Variants in DLGAP2 observed in about 807,000 individuals in gnomAD.
DLGAP2 encodes DLG associated protein 2, also known as disks large-associated protein 2.
Under a neutral mutation model 100.3 loss-of-function variants are expected in DLGAP2, and 26 were observed. The observed-to-expected ratio is 0.26, with a 90% CI of 0.19 to 0.36. DLGAP2 has a LOEUF of 0.36. Ranked by LOEUF, DLGAP2 falls within the 10% of genes least tolerant of loss-of-function variation. DLGAP2 has a pLI of 1.00. For missense variants in DLGAP2, 1,858 were observed against 1,453.2 expected (o/e 1.28, Z -4.53); for synonymous variants, 886 against 630.1 (o/e 1.41, Z -6.08).
chr8:902,529 C>T (rs1321144264), intron 1 of DLGAP2, among the ~76,000 whole-genome samples: 1 of 139,614 alleles, frequency 7.2e-6, no homozygotes, highest in African/African-American at 2.7e-5. Flanking sequence ...TGAGATACAG[C>T]CCCGGCGGCC....
chr8:1,480,689 A>C (rs1799065539), intron 3 of DLGAP2, among the ~76,000 whole-genome samples: 2 of 149,978 alleles, frequency 1.3e-5, no homozygotes, highest in Admixed American at 6.7e-5. Flanking sequence ...ATCTCTACTA[A>C]TAATAATAAA....
chr8:1,074,221 G>T (rs1803529844), intron 2 of DLGAP2, among the ~76,000 whole-genome samples: 1 of 148,652 alleles, frequency 6.7e-6, no homozygotes, highest in African/African-American at 2.6e-5. Context: ...ACTCACCCAG[G>T]TACATATTCA....
chr8:988,753 C>T (rs938652681), intron 2 of DLGAP2, among the ~76,000 whole-genome samples: 1 of 152,302 alleles, frequency 6.6e-6, no homozygotes, highest in Non-Finnish European at 1.5e-5. Flanking sequence ...TCCACCCTCC[C>T]TAGACCCAGG....
rs1194672109 is a variant in DLGAP2, at chr8:1,626,833, C to T, written c.1536C>T (p.Asn512=). 1 of 1,607,436 alleles carries T rather than the reference C, an allele frequency of 6.2e-7. No homozygotes were observed. The highest frequency in any genetic ancestry group is 2.2e-5 in the East Asian group (1 of 44,590). The change falls in exon 7 of 15, where the codon AAC becomes AAT. Residue 512 remains asparagine (N), a synonymous_variant. Transcript: ENST00000637795. The stretch of plus-strand genomic sequence containing the variant: ...ACTCCCCGAAATTCCGCTCCCGGAA[C>T]CAGAGCTACATGAGGGCCGTCAGCA... ...NYNSPKFRSR[N]QSYMRAVSTL...
chr8:1,316,921 A>C (rs1454948935), intron 3 of DLGAP2, among the ~76,000 whole-genome samples: 35 of 100,892 alleles, frequency 3.5e-4, no homozygotes, highest in African/African-American at 1.3e-4. Context: ...GCGTCTCTCC[A>C]ACAGTGGTCT....
chr8:1,617,467 T>C (rs1163740353), intron 6 of DLGAP2, among the ~76,000 whole-genome samples: 2 of 152,236 alleles, frequency 1.3e-5, no homozygotes, highest in African/African-American at 4.8e-5. Context: ...TTGCATTTCT[T>C]TAATGATCCA....
chr8:1,131,475 G>A (rs1213850301), intron 2 of DLGAP2, among the ~76,000 whole-genome samples: 1 of 152,142 alleles, frequency 6.6e-6, no homozygotes, highest in African/African-American at 2.4e-5. Flanking sequence ...CTTATAAGTG[G>A]CTCATCCCAC....
intron 2 of DLGAP2, among the ~76,000 whole-genome samples, chr8:936,064 C>G (rs572158221): frequency 6.6e-6 from 1 of 152,126 alleles, no homozygotes; most frequent in Non-Finnish European, 1.5e-5. Context: ...GAAATTAGCT[C>G]GCGGAGCACG....
intron 3 of DLGAP2, among the ~76,000 whole-genome samples, chr8:1,368,310 C>T (rs1802156811): frequency 6.6e-6 from 1 of 151,232 alleles, no homozygotes; most frequent in South Asian, 2.1e-4. Context: ...TGTGCATGTG[C>T]ATAGCTGTGT....
chr8:925,591 G>T (rs1417606446), intron 2 of DLGAP2, among the ~76,000 whole-genome samples: 1 of 152,166 alleles, frequency 6.6e-6, no homozygotes, highest in Non-Finnish European at 1.5e-5. Flanking sequence ...TGTGGGCTTT[G>T]CAGGTGTATT....
chr8:1,548,528 C>G, intron 4 of DLGAP2, 98 bp from the exon 5 acceptor site: 1 of 1,002,356 alleles, frequency 1.0e-6, no homozygotes, highest in South Asian at 2.0e-5. Flanking sequence ...GACATGGACA[C>G]TGATTAATGA....
chr8:1,435,723 G>A (rs972631865), intron 3 of DLGAP2, among the ~76,000 whole-genome samples: 3 of 151,776 alleles, frequency 2.0e-5, no homozygotes, highest in African/African-American at 7.3e-5. Flanking sequence ...GGTCGTAGGC[G>A]ATGGCAGCTC....
intron 10 of DLGAP2, among the ~76,000 whole-genome samples, chr8:1,675,258 AC>A (rs1798785034): frequency 6.6e-6 from 1 of 152,064 alleles, no homozygotes; most frequent in South Asian, 2.1e-4. Flanking sequence ...TCTGTGCGGC[AC>A]CCGGCTCTGG....
chr8:931,164 A>G (rs918742577), intron 2 of DLGAP2, among the ~76,000 whole-genome samples: 1 of 152,158 alleles, frequency 6.6e-6, no homozygotes, highest in African/African-American at 2.4e-5. Flanking sequence ...CACTGAGGCC[A>G]CTGCCCTACT....
intron 1 of DLGAP2, chr8:754,297 C>T (rs1820865078): frequency 6.6e-6 from 1 of 152,222 alleles, no homozygotes; most frequent in Admixed American, 6.6e-5. Context: ...ACACACGGTT[C>T]TGTTCCACAC....
intron 3 of DLGAP2, among the ~76,000 whole-genome samples, chr8:1,278,880 T>C (rs895351816): frequency 2.6e-5 from 4 of 152,210 alleles, no homozygotes; most frequent in African/African-American, 9.7e-5. Context: ...TTTTGGACAA[T>C]TTAATGTTTA....
intron 1 of DLGAP2, among the ~76,000 whole-genome samples, chr8:782,446 G>A (rs1375499691): frequency 6.6e-6 from 1 of 152,080 alleles, no homozygotes; most frequent in African/African-American, 2.4e-5. Context: ...ATATTATAAT[G>A]TTAGATATTC....
intron 1 of DLGAP2, among the ~76,000 whole-genome samples, chr8:870,318 C>T (rs891500242): frequency 6.6e-6 from 1 of 152,182 alleles, no homozygotes; most frequent in African/African-American, 2.4e-5. Context: ...ATGCTGACCT[C>T]TCTTCCAGTA....
chr8:1,649,114 G>A (rs1415534905), intron 8 of DLGAP2, among the ~76,000 whole-genome samples: 2 of 152,192 alleles, frequency 1.3e-5, no homozygotes, highest in Non-Finnish European at 2.9e-5. Flanking sequence ...TTATCCAGGT[G>A]TATACATTGA....
Sources: gnomAD v4.1 joint callset for allele counts (sites outside exome capture counted in the v4.1 genomes callset) on GRCh38, gnomAD v4.1.1 for gene constraint, MANE v1.5 for transcripts, NCBI Gene and HGNC (gene_info 2026-07-23, HGNC 2026-07-21) for gene names.